DISC1: variants seen among roughly 807,000 people sequenced by gnomAD.
The protein encoded by DISC1 is disrupted in schizophrenia 1 protein.
In DISC1, 57 loss-of-function variants were observed where a neutral mutation model predicts 84.5. That is an observed-to-expected ratio of 0.67 (90% CI 0.55 to 0.84). The LOEUF (loss-of-function observed/expected upper bound fraction) is 0.84, where lower values mean the gene tolerates loss of function less well. Among genes scored for constraint, DISC1 ranks in the 40% least tolerant of loss-of-function variants. DISC1 has a pLI of 0.00. For synonymous variants in DISC1, 411 were observed against 415.2 expected (o/e 0.99, Z 0.12); for missense variants, 1,000 against 1,057.8 (o/e 0.95, Z 0.76).
At chr1:231,687,607 A>G (rs536891195) in intron 1 of DISC1, among the ~76,000 whole-genome samples, 1 of 152,336 alleles carries the variant, frequency 6.6e-6, no homozygotes, top group Non-Finnish European at 1.5e-5. Flanking sequence ...TTATTTTTAT[A>G]TCACGCATGT....
intron 8 of DISC1, among the ~76,000 whole-genome samples, chr1:231,817,277 G>A (rs1229825244): frequency 6.6e-6 from 1 of 152,102 alleles, no homozygotes; most frequent in Non-Finnish European, 1.5e-5. Context: ...TAGAGATAGG[G>A]TTTCGCCATG....
At chr1:231,944,630 C>T (rs1283392316) in intron 9 of DISC1, among the ~76,000 whole-genome samples, 3 of 152,124 alleles carry the variant, frequency 2.0e-5, no homozygotes, top group Non-Finnish European at 4.4e-5. Context: ...GAAGCCCACC[C>T]ACCACAGTCC....
intron 6 of DISC1, among the ~76,000 whole-genome samples, chr1:231,781,558 C>G (rs2077434860): frequency 6.6e-6 from 1 of 152,220 alleles, no homozygotes; most frequent in African/African-American, 2.4e-5. Flanking sequence ...CTCTCACAAA[C>G]ATGAAAGCAT....
chr1:231,900,475 C>CA (rs2088078355), intron 9 of DISC1, among the ~76,000 whole-genome samples: 1 of 152,166 alleles, frequency 6.6e-6, no homozygotes, highest in Admixed American at 6.5e-5. Context: ...CCTTCAAAAA[C>CA]AAAACTGAGA....
At chr1:231,689,245 G>A (rs370813045) in intron 1 of DISC1, among the ~76,000 whole-genome samples, 2 of 152,048 alleles carry the variant, frequency 1.3e-5, no homozygotes, top group East Asian at 3.9e-4. Context: ...CAGCATTCTC[G>A]AGGTCCCAGC....
intron 9 of DISC1, among the ~76,000 whole-genome samples, chr1:231,939,040 G>GC (rs34471346): frequency 2.0e-5 from 3 of 152,158 alleles, no homozygotes; most frequent in Admixed American, 2.0e-4. Context: ...TAAGATGACA[G>GC]CCCCCCTCCT....
At chr1:231,898,621 G>A (rs114126674) in intron 9 of DISC1, among the ~76,000 whole-genome samples, 1 of 152,200 alleles carries the variant, frequency 6.6e-6, no homozygotes, top group Non-Finnish European at 1.5e-5. Flanking sequence ...GGAAAGAGTT[G>A]TTGAATGTTC....
intron 11 of DISC1, among the ~76,000 whole-genome samples, chr1:232,024,152 G>A (rs1418290287): frequency 2.6e-5 from 4 of 151,868 alleles, no homozygotes; most frequent in African/African-American, 9.7e-5. Flanking sequence ...CTTCAAGGGT[G>A]CTTCACACTA....
At chr1:231,795,187 T>C in intron 6 of DISC1, 55 bp from the exon 7 acceptor site, 1 of 1,518,090 alleles carries the variant, frequency 6.6e-7, no homozygotes, top group Non-Finnish European at 9.2e-7. Context: ...CTAACTGTAG[T>C]GGTATTGAAT....
In DISC1 at chr1:231,818,328, G is replaced by A; in HGVS notation, c.1793-1G>A. ...TTCTTCTCTCCCACAACGTGCTGTA[G>A]GAAACCATTTCTGGACGGCTAAAGA... On this transcript the variant is annotated splice_acceptor_variant, in intron 8 of 12. Coordinates refer to ENST00000439617, the MANE Select transcript of DISC1 (RefSeq NM_018662.3). LOFTEE classifies it high-confidence loss of function. The A allele has an allele frequency of 6.2e-7, 1 of 1,613,772 alleles. No homozygotes were observed. The highest frequency in any genetic ancestry group is 1.3e-5 in the African/African-American group (1 of 75,014).
chr1:231,841,871 A>G (rs1159673092), intron 9 of DISC1, among the ~76,000 whole-genome samples: 4 of 152,244 alleles, frequency 2.6e-5, no homozygotes, highest in Non-Finnish European at 4.4e-5. Flanking sequence ...ACACACACAC[A>G]AAAAGAGCAA....
intron 10 of DISC1, among the ~76,000 whole-genome samples, chr1:231,971,990 A>G (rs1662026649): frequency 6.6e-6 from 1 of 152,224 alleles, no homozygotes; most frequent in Admixed American, 6.5e-5. Flanking sequence ...TTCCTTTATT[A>G]TTCTGTAAAT....
Position 232,009,097 on chromosome 1 carries a change from G to C in DISC1, c.2307+48G>C. ...CCAGAGGGGACCCTTATTCTAAGGGGTGCTTTGGGACCATGCTCCAAATGG... is the reference window on the plus strand; with the variant it reads ...CCAGAGGGGACCCTTATTCTAAGGGCTGCTTTGGGACCATGCTCCAAATGG... On this transcript the variant is annotated intron_variant, in intron 11 of 12. Coordinates refer to ENST00000439617, the MANE Select transcript of DISC1 (RefSeq NM_018662.3). This position sits in a 1 kb window ranked among gnomAD's most constrained non-coding sequence, Gnocchi z 4.6. 1 of 1,612,372 alleles carries C rather than the reference G, an allele frequency of 6.2e-7. No individual in the cohort carries two copies. Among genetic ancestry groups the C allele is most frequent in the Non-Finnish European group, 8.5e-7 (1 of 1,179,232 alleles).
At chr1:231,815,632 G>T (rs2080871352) in intron 8 of DISC1, among the ~76,000 whole-genome samples, 1 of 151,844 alleles carries the variant, frequency 6.6e-6, no homozygotes, top group South Asian at 2.1e-4. Context: ...TAGCTACTTG[G>T]GAGGCTGAGG....
chr1:231,665,237 C>T (rs2061914835), intron 1 of DISC1, among the ~76,000 whole-genome samples: 1 of 152,236 alleles, frequency 6.6e-6, no homozygotes, highest in South Asian at 2.1e-4. Flanking sequence ...TGCTAACCGT[C>T]TGCACATGAG....
At chr1:231,682,090 A>G (rs1045656816) in intron 1 of DISC1, among the ~76,000 whole-genome samples, 1 of 152,194 alleles carries the variant, frequency 6.6e-6, no homozygotes, top group South Asian at 2.1e-4. Flanking sequence ...GAGAGCTTAT[A>G]TACTGTTTTC....
intron 9 of DISC1, among the ~76,000 whole-genome samples, chr1:231,827,363 AT>A (rs1401012492): frequency 1.3e-5 from 2 of 152,200 alleles, no homozygotes; most frequent in Non-Finnish European, 2.9e-5. Flanking sequence ...ACCAAATTTG[AT>A]TTTGTGAGGT....
intron 12 of DISC1, among the ~76,000 whole-genome samples, chr1:232,035,498 T>G (rs1670433285): frequency 6.6e-6 from 1 of 152,140 alleles, no homozygotes; most frequent in African/African-American, 2.4e-5. Context: ...TAAGGGTGTC[T>G]TTTTCTCTTT....
At chr1:231,990,387 C>T (rs1474582306) in intron 10 of DISC1, among the ~76,000 whole-genome samples, 2 of 151,996 alleles carry the variant, frequency 1.3e-5, no homozygotes, top group African/African-American at 4.8e-5. Flanking sequence ...GCTCATCCCC[C>T]ACCCCACCCA....
Sources: gnomAD v4.1 joint callset for allele counts (sites outside exome capture counted in the v4.1 genomes callset) on GRCh38, gnomAD v4.1.1 for gene constraint, Gnocchi (gnomAD v3.1) non-coding constraint, MANE v1.5 for transcripts, NCBI Gene and HGNC (gene_info 2026-07-23, HGNC 2026-07-21) for gene names.